ARHGEF10L: variants seen among roughly 807,000 people sequenced by gnomAD.
ARHGEF10L encodes the protein rho guanine nucleotide exchange factor 10-like protein.
ARHGEF10L carries 69 observed loss-of-function variants against 141.2 expected under a neutral mutation model. That is an observed-to-expected ratio of 0.49 (90% CI 0.40 to 0.60). The LOEUF is 0.60. ARHGEF10L is among the 20% of genes least tolerant of loss of function. The probability of loss-of-function intolerance (pLI) is 0.00; values close to 1 mark genes in which losing one functional copy is unlikely to be tolerated. For missense variants in ARHGEF10L, 1,482 were observed against 1,734.3 expected, an observed-to-expected ratio of 0.85 and a Z score of 2.58; for synonymous variants, 711 against 718.5, an observed-to-expected ratio of 0.99 and a Z score of 0.17.
chr1:17,696,778 A>G lies in ARHGEF10L; in HGVS notation c.3308-70A>G. The G allele has an allele frequency of 2.1e-6, 3 of 1,428,474 alleles. No individual in the cohort carries two copies. In the East Asian group the frequency reaches 7.0e-5, roughly 33 times the overall value. 88.5% of individuals were successfully genotyped at this position (1,428,474 alleles called of 1,614,324 possible). ...ACCCACCCAGAATGTTCTCCAGGAG[A>G]GAGACTCAGGTGCTTCCCTTAATGC... On this transcript the variant is annotated intron_variant, in intron 28 of 28. Transcript: ENST00000361221.
At chr1:17,645,601 C>G (rs1045408474) in intron 21 of ARHGEF10L, among the ~76,000 whole-genome samples, 1 of 152,112 alleles carries the variant, frequency 6.6e-6, no homozygotes, top group African/African-American at 2.4e-5. Flanking sequence ...TCCTTGAGAG[C>G]AGGGACAAGC....
upstream of ARHGEF10L, among the ~76,000 whole-genome samples, chr1:17,538,048 G>A (rs886703145): frequency 6.6e-6 from 1 of 151,818 alleles, no homozygotes; most frequent in African/African-American, 2.4e-5. Flanking sequence ...TGAGCCACAG[G>A]GCAAGACCCA....
At chr1:17,547,328 C>G (rs778130439) in intron 1 of ARHGEF10L, among the ~76,000 whole-genome samples, 8 of 152,196 alleles carry the variant, frequency 5.3e-5, no homozygotes, top group Non-Finnish European at 1.0e-4. Flanking sequence ...GTGATGGTGC[C>G]AGCCCATGTT....
At chr1:17,636,225 G>C (rs929741344) in intron 18 of ARHGEF10L, among the ~76,000 whole-genome samples, 1 of 152,186 alleles carries the variant, frequency 6.6e-6, no homozygotes. Flanking sequence ...ACAATGATGT[G>C]TCTGTGGCCG....
chr1:17,666,978 G>A (rs1262795436), intron 26 of ARHGEF10L, among the ~76,000 whole-genome samples: 2 of 148,908 alleles, frequency 1.3e-5, no homozygotes, highest in African/African-American at 5.2e-5. Context: ...GACCCATCTG[G>A]GTCTCAAGCC....
At chr1:17,588,967 C>A in intron 4 of ARHGEF10L, among the ~76,000 whole-genome samples, 1 of 148,876 alleles carries the variant, frequency 6.7e-6, no homozygotes, top group African/African-American at 2.5e-5. Flanking sequence ...TTTGCAGTTG[C>A]CATTTGTCTT....
chr1:17,616,273 C>A, intron 9 of ARHGEF10L, 71 bp downstream of exon 9: 1 of 1,281,180 alleles, frequency 7.8e-7, no homozygotes, highest in South Asian at 1.3e-5. Context: ...TGGGATTTTG[C>A]TTTACACCCC....
intron 1 of ARHGEF10L, among the ~76,000 whole-genome samples, chr1:17,569,320 G>A (rs183855450): frequency 6.6e-6 from 1 of 152,156 alleles, no homozygotes; most frequent in Non-Finnish European, 1.5e-5. Flanking sequence ...ATCACTGAGG[G>A]GTGTGGTTTG....
chr1:17,564,624 G>A (rs988554161), intron 1 of ARHGEF10L, among the ~76,000 whole-genome samples: 6 of 152,176 alleles, frequency 3.9e-5, no homozygotes, highest in Admixed American at 6.5e-5. Context: ...AAAGGCCAGC[G>A]CTCTCATTTA....
the ARHGEF10L span, among the ~76,000 whole-genome samples, chr1:17,524,584 A>C: frequency 1.4e-4 from 21 of 152,280 alleles, no homozygotes; most frequent in African/African-American, 4.8e-4. Flanking sequence ...AGAAAATGTT[A>C]TATATGTGTA....
chr1:17,590,736 C>T (rs556301775), intron 4 of ARHGEF10L, among the ~76,000 whole-genome samples: 2 of 152,272 alleles, frequency 1.3e-5, no homozygotes, highest in African/African-American at 2.4e-5. Context: ...CCTGTAATCC[C>T]AGCACTTTGG....
At chr1:17,553,546 C>G (rs1053663746) in intron 1 of ARHGEF10L, among the ~76,000 whole-genome samples, 5 of 152,068 alleles carry the variant, frequency 3.3e-5, no homozygotes, top group African/African-American at 1.2e-4. Context: ...CTTTGGGAGG[C>G]TGAGGTGGGA....
At chr1:17,580,447 G>T (rs1476398395) in intron 1 of ARHGEF10L, 106 bp from the exon 2 acceptor site, 2 of 942,524 alleles carry the variant, frequency 2.1e-6, no homozygotes, top group Non-Finnish European at 3.3e-6. Context: ...CCTGTGCTCT[G>T]AGAGCCACTG....
chr1:17,605,060 A>G (rs1017390793), intron 6 of ARHGEF10L, among the ~76,000 whole-genome samples: 2 of 152,180 alleles, frequency 1.3e-5, no homozygotes, highest in African/African-American at 4.8e-5. Context: ...ACAAGGCTGC[A>G]CAAAGCTCAG....
intron 1 of ARHGEF10L, among the ~76,000 whole-genome samples, chr1:17,543,472 A>G (rs928417710): frequency 9.2e-5 from 14 of 151,864 alleles, no homozygotes; most frequent in Admixed American, 6.6e-4. Flanking sequence ...AATCCCAGCT[A>G]CTCGGGAGTC....
At chr1:17,648,075 G>A (rs977211658) in intron 21 of ARHGEF10L, among the ~76,000 whole-genome samples, 4 of 152,174 alleles carry the variant, frequency 2.6e-5, no homozygotes, top group African/African-American at 7.2e-5. Flanking sequence ...TGTGAGTGCC[G>A]CAATGGCGAC....
intron 8 of ARHGEF10L, among the ~76,000 whole-genome samples, chr1:17,614,620 GA>G (rs576422169): frequency 2.6e-4 from 40 of 151,150 alleles, no homozygotes; most frequent in African/African-American, 9.2e-4. Flanking sequence ...CCCCCAACAA[GA>G]AGAAGATGAG....
In ARHGEF10L at chr1:17,644,082, G is replaced by T. The variant is rs2061463748; in HGVS notation, c.2272+3780G>T. 6.6e-6 allele frequency among the ~76,000 whole-genome samples: 1 copy of T among 152,172 alleles called. No individual in the cohort carries two copies. Among genetic ancestry groups the T allele is most frequent in the Admixed American group, 6.5e-5 (1 of 15,280 alleles). On this transcript the variant is annotated intron_variant, in intron 21 of 28. Coordinates refer to ENST00000361221, the MANE Select transcript of ARHGEF10L (RefSeq NM_018125.4). The surrounding 1 kb of genome is among the most constrained non-coding windows in gnomAD (Gnocchi z 4.5). ...GCCCTTGGAGCTCCTCCCACCCATGGCCCTTCTCATTCCCACCTCTCAAGG... is the reference window on the plus strand; with the variant it reads ...GCCCTTGGAGCTCCTCCCACCCATGTCCCTTCTCATTCCCACCTCTCAAGG...
At chr1:17,582,724 C>T (rs988501706) in intron 2 of ARHGEF10L, among the ~76,000 whole-genome samples, 2 of 152,198 alleles carry the variant, frequency 1.3e-5, no homozygotes, top group African/African-American at 4.8e-5. Context: ...GCCCCTTCCT[C>T]TTGGCACCGT....
Sources: allele counts gnomAD v4.1 joint callset (sites outside exome capture counted in the v4.1 genomes callset), GRCh38; gene constraint gnomAD v4.1.1; non-coding constraint Gnocchi (gnomAD v3.1); transcripts MANE v1.5; gene names NCBI Gene and HGNC (gene_info 2026-07-23, HGNC 2026-07-21).